The following CNTNAP2 variants were observed in gnomAD, a reference collection of about 807,000 sequenced individuals.
The protein encoded by CNTNAP2 is contactin associated protein 2.
Under a neutral mutation model 155.2 loss-of-function variants are expected in CNTNAP2, and 98 were observed. The observed-to-expected ratio is 0.63, with a 90% confidence interval of 0.54 to 0.75. CNTNAP2 has a LOEUF of 0.75. Among genes scored for constraint, CNTNAP2 ranks in the 30% least tolerant of loss-of-function variants. The probability of loss-of-function intolerance (pLI) is 0.00; values close to 1 mark genes in which losing one functional copy is unlikely to be tolerated. For synonymous variants in CNTNAP2, 651 were observed against 631.2 expected (o/e 1.03, Z -0.47); for missense variants, 1,727 against 1,688.1 (o/e 1.02, Z -0.40).
At chr7:146,317,997 C>A (rs1467484911) in intron 1 of CNTNAP2, among the ~76,000 whole-genome samples, 2 of 151,946 alleles carry the variant, frequency 1.3e-5, no homozygotes, top group Non-Finnish European at 2.9e-5. Context: ...AAAAATTAGC[C>A]AGGTGTGGTG....
chr7:148,072,080 A>G (rs1803391969), intron 15 of CNTNAP2, among the ~76,000 whole-genome samples: 2 of 152,102 alleles, frequency 1.3e-5, no homozygotes, highest in South Asian at 2.1e-4. Flanking sequence ...CTTCCACCCC[A>G]CACATATACT....
At chr7:146,615,085 AC>A (rs1466028221) in intron 1 of CNTNAP2, among the ~76,000 whole-genome samples, 1 of 152,210 alleles carries the variant, frequency 6.6e-6, no homozygotes, top group Non-Finnish European at 1.5e-5. Context: ...GAAATGACCA[AC>A]AAAAGTTGAC....
intron 4 of CNTNAP2, among the ~76,000 whole-genome samples, chr7:147,044,617 A>G (rs763146554): frequency 2.3e-4 from 35 of 152,328 alleles, no homozygotes; most frequent in Middle Eastern, 3.4e-3. Context: ...TCCCTTAAAT[A>G]TATTTTAAAG....
At chr7:146,509,480 G>A (rs1427035070) in intron 1 of CNTNAP2, among the ~76,000 whole-genome samples, 1 of 152,142 alleles carries the variant, frequency 6.6e-6, no homozygotes, top group African/African-American at 2.4e-5. Flanking sequence ...CCACAACTCC[G>A]TTGGGGTATA....
At chr7:148,282,380 C>T (rs1418975768) in intron 21 of CNTNAP2, among the ~76,000 whole-genome samples, 2 of 152,172 alleles carry the variant, frequency 1.3e-5, no homozygotes, top group Admixed American at 6.5e-5. Flanking sequence ...CTCACCTGCT[C>T]GAGGAGCTTT....
At chr7:147,862,332 C>A (rs1160142516) in intron 13 of CNTNAP2, among the ~76,000 whole-genome samples, 1 of 152,174 alleles carries the variant, frequency 6.6e-6, no homozygotes, top group African/African-American at 2.4e-5. Context: ...TTCCCCCGTA[C>A]TCCTCCAAGC....
At chr7:148,163,061 A>T (rs989920019) in intron 17 of CNTNAP2, among the ~76,000 whole-genome samples, 1 of 152,212 alleles carries the variant, frequency 6.6e-6, no homozygotes, top group South Asian at 2.1e-4. Flanking sequence ...TCAGGTATTA[A>T]TCACTCTATC....
chr7:148,002,203 C>T (rs536258312), intron 15 of CNTNAP2, among the ~76,000 whole-genome samples: 1 of 152,154 alleles, frequency 6.6e-6, no homozygotes, highest in African/African-American at 2.4e-5. Flanking sequence ...TATGTTTTCT[C>T]CTTCATTTCT....
At chr7:147,572,266 C>T (rs940097460) in intron 12 of CNTNAP2, among the ~76,000 whole-genome samples, 1 of 151,678 alleles carries the variant, frequency 6.6e-6, no homozygotes, top group Admixed American at 6.6e-5. Context: ...TAGGTTAATA[C>T]TATAGAAGTT....
chr7:147,127,429 CT>C (rs1328632066), intron 6 of CNTNAP2, among the ~76,000 whole-genome samples: 3 of 151,874 alleles, frequency 2.0e-5, no homozygotes, highest in East Asian at 3.9e-4. Flanking sequence ...GTTTCCCCCC[CT>C]AAAAGTACTT....
intron 14 of CNTNAP2, among the ~76,000 whole-genome samples, chr7:147,943,602 C>T (rs562147054): frequency 6.6e-6 from 1 of 151,768 alleles, no homozygotes; most frequent in African/African-American, 2.4e-5. Flanking sequence ...AGCCCCGTCT[C>T]TACTAAAAAT....
intron 1 of CNTNAP2, among the ~76,000 whole-genome samples, chr7:146,288,452 C>CT (rs1420054917): frequency 6.6e-6 from 1 of 152,052 alleles, no homozygotes; most frequent in Non-Finnish European, 1.5e-5. Flanking sequence ...GAAACTGTGA[C>CT]TTTAAGTGAA....
At chr7:146,172,660 G>T (rs193038609) in intron 1 of CNTNAP2, among the ~76,000 whole-genome samples, 2 of 151,906 alleles carry the variant, frequency 1.3e-5, no homozygotes, top group Admixed American at 1.3e-4. Flanking sequence ...TGATCATTAC[G>T]TGTTTTCATT....
intron 14 of CNTNAP2, 127 bp from the exon 15 acceptor site, chr7:147,977,735 G>A: frequency 7.7e-7 from 1 of 1,305,890 alleles, no homozygotes; most frequent in South Asian, 1.2e-5. Flanking sequence ...CTTTAACTGT[G>A]GCTTTACTTA....
intron 12 of CNTNAP2, among the ~76,000 whole-genome samples, chr7:147,600,374 G>A (rs758119591): frequency 1.3e-5 from 2 of 152,146 alleles, no homozygotes; most frequent in East Asian, 1.9e-4. Context: ...TGGGCCTCAC[G>A]GTCTCTACCA....
rs114543952 is a variant in CNTNAP2, at chr7:146,556,072, T to G, written c.98-218199T>G. Among the ~76,000 whole-genome samples the G allele has an allele frequency of 4.6e-3, 704 of 152,338 alleles. 4 individuals carry two copies. Among genetic ancestry groups the G allele is most frequent in the African/African-American group, 0.016 (652 of 41,576 alleles). On this transcript the variant is annotated intron_variant, in intron 1 of 23. Coordinates refer to ENST00000361727, the MANE Select transcript of CNTNAP2 (RefSeq NM_014141.6). ...ATAGCAATATTTTATCAGCAACGTT[T>G]ATTGGATTCCAACAAATATTCTTTC...
intron 10 of CNTNAP2, among the ~76,000 whole-genome samples, chr7:147,483,033 C>G (rs1348973868): frequency 6.6e-6 from 1 of 151,470 alleles, no homozygotes; most frequent in Middle Eastern, 3.4e-3. Context: ...GTGACTCTGT[C>G]TCAAAAATAA....
chr7:147,775,295 T>TTA (rs1356258296), intron 13 of CNTNAP2, among the ~76,000 whole-genome samples: 12 of 39,236 alleles, frequency 3.1e-4, no homozygotes, highest in African/African-American at 1.7e-3. Context: ...ATATATATAT[T>TTA]TATATATATT....
intron 14 of CNTNAP2, among the ~76,000 whole-genome samples, chr7:147,951,195 G>A (rs548596463): frequency 6.6e-6 from 1 of 152,330 alleles, no homozygotes; most frequent in East Asian, 1.9e-4. Context: ...CCTGGAAGAC[G>A]AAGAATGGAG....
Sources: gnomAD v4.1 joint callset for allele counts (sites outside exome capture counted in the v4.1 genomes callset) on GRCh38, gnomAD v4.1.1 for gene constraint, MANE v1.5 for transcripts, NCBI Gene and HGNC (gene_info 2026-07-23, HGNC 2026-07-21) for gene names.